The following SV2B variants were observed in gnomAD, a reference collection of about 807,000 sequenced individuals.
The protein encoded by SV2B is synaptic vesicle glycoprotein 2B, also known as solute carrier family 22 member B2.
Under a neutral mutation model 73.9 loss-of-function variants are expected in SV2B, and 41 were observed. The ratio of observed to expected loss-of-function variants is 0.56; its 90% confidence interval spans 0.43 to 0.72. SV2B has a LOEUF of 0.72. Ranked by LOEUF, SV2B falls within the 30% of genes least tolerant of loss-of-function variation. SV2B has a pLI of 0.00. For missense variants in SV2B, 764 were observed against 857.8 expected, an observed-to-expected ratio of 0.89 and a Z score of 1.37; for synonymous variants, 314 against 314.2, an observed-to-expected ratio of 1.00 and a Z score of 0.01.
At chr15:91,211,143 AAG>A (rs2045843292) in intron 1 of SV2B, among the ~76,000 whole-genome samples, 1 of 152,250 alleles carries the variant, frequency 6.6e-6, no homozygotes, top group Non-Finnish European at 1.5e-5. Context: ...CGAAGCCGCT[AAG>A]AGAGTTTAGG....
chr15:91,143,625 G>T (rs555150081), intron 1 of SV2B, among the ~76,000 whole-genome samples: 28 of 151,204 alleles, frequency 1.9e-4, no homozygotes, highest in African/African-American at 6.5e-4. Flanking sequence ...CCCAGAAAAC[G>T]CAGCATTCTT....
intron 1 of SV2B, among the ~76,000 whole-genome samples, chr15:91,198,100 C>T (rs947300998): frequency 4.6e-5 from 7 of 152,088 alleles, no homozygotes; most frequent in Non-Finnish European, 8.8e-5. Context: ...GAAAATATAA[C>T]TGGTGAATCT....
In SV2B at chr15:91,299,680, T is replaced by A. The variant is rs1295277011; in HGVS notation, c.*7128T>A. 6.6e-6 allele frequency: 1 copy of A among 152,250 alleles called. No homozygotes were observed. The highest frequency in any genetic ancestry group is 1.5e-5 in the Non-Finnish European group (1 of 68,044). The allele number at this position is 152,250 out of a possible 1,614,324, so 9.4% of individuals were successfully genotyped here. On this transcript the variant is annotated 3_prime_UTR_variant, in exon 13 of 13. Coordinates refer to ENST00000394232, the MANE Select transcript of SV2B (RefSeq NM_001323032.3). ...ATTTTTTTGAGACAGAGTCTCACTC[T>A]GTCATCTAGGCTGGAGTGCAGTGGT...
chr15:91,161,998 AG>A (rs2043736582), intron 1 of SV2B, among the ~76,000 whole-genome samples: 1 of 152,256 alleles, frequency 6.6e-6, no homozygotes, highest in African/African-American at 2.4e-5. Context: ...TGACAATACA[AG>A]TGAACAGTAA....
At chr15:91,244,219 G>T (rs1242495303) in intron 2 of SV2B, among the ~76,000 whole-genome samples, 4 of 152,328 alleles carry the variant, frequency 2.6e-5, no homozygotes, top group Admixed American at 6.5e-5. Context: ...ATGACAAATT[G>T]AAATTATTAT....
intron 6 of SV2B, 87 bp from the exon 7 acceptor site, chr15:91,266,495 A>C (rs778176315): frequency 9.6e-7 from 1 of 1,037,684 alleles, no homozygotes; most frequent in African/African-American, 1.6e-5. Context: ...GTCCTAAATC[A>C]GTTTAAATAG....
chr15:91,148,359 A>T (rs1032064592), intron 1 of SV2B, among the ~76,000 whole-genome samples: 1 of 152,114 alleles, frequency 6.6e-6, no homozygotes, highest in Non-Finnish European at 1.5e-5. Flanking sequence ...ATCTTTGACC[A>T]AGATTGGGTC....
chr15:91,206,224 C>G lies in SV2B; in HGVS notation c.-391-19649C>G, dbSNP rs77744895. Among the ~76,000 whole-genome samples, 7 of 60,858 alleles carry G rather than the reference C, an allele frequency of 1.2e-4. No individual in the cohort carries two copies. The East Asian group carries it at 3.4e-3, about 29-fold the overall frequency. The allele number at this position is 60,858 out of a possible 152,430, so 39.9% of individuals were successfully genotyped here. On this transcript the variant is annotated intron_variant, in intron 1 of 12. Transcript: ENST00000394232. ...GGCTTTTTTTTTTTTTTTTTTTTTT[C>G]AGATACAGGTTCTCTTTGTGTAGCC...
intron 1 of SV2B, among the ~76,000 whole-genome samples, chr15:91,171,876 C>T (rs139313788): frequency 4.6e-5 from 7 of 152,296 alleles, no homozygotes; most frequent in African/African-American, 1.7e-4. Context: ...CTGAAGACAA[C>T]ATCTCCCACC....
chr15:91,148,480 G>A (rs1353182335), intron 1 of SV2B, among the ~76,000 whole-genome samples: 1 of 152,074 alleles, frequency 6.6e-6, no homozygotes, highest in African/African-American at 2.4e-5. Flanking sequence ...TCTTAGTCTG[G>A]GTTCCCCCAG....
chr15:91,301,644 A>G lies in SV2B; in HGVS notation c.*9092A>G, dbSNP rs1390540726. On this transcript the variant is annotated 3_prime_UTR_variant, in exon 13 of 13. Transcript: ENST00000394232. This position sits in a 1 kb window ranked among gnomAD's most constrained non-coding sequence, Gnocchi z 4.3. ...CCTTTAGAAGTGGGGAAACTGGAACACAGGAAAGTCACTTGTCAAAGGCCA... is the reference window on the plus strand; with the variant it reads ...CCTTTAGAAGTGGGGAAACTGGAACGCAGGAAAGTCACTTGTCAAAGGCCA... 6.6e-6 allele frequency among the ~76,000 whole-genome samples: 1 copy of G among 152,246 alleles called. No individual in the cohort carries two copies. The highest frequency in any genetic ancestry group is 2.4e-5 in the African/African-American group (1 of 41,468).
rs1173626949 is a variant in SV2B at position 91,165,045 on chromosome 15, A to T, written c.-391-60828A>T. On this transcript the variant is annotated intron_variant, in intron 1 of 12. Coordinates refer to ENST00000394232, the MANE Select transcript of SV2B (RefSeq NM_001323032.3). ...GATTCAAGCAACTGTGGATCAAAAA[A>T]TTTTTTTTAGGCTGGACATGGTGGC... 2.0e-5 allele frequency among the ~76,000 whole-genome samples: 3 copies of T among 152,180 alleles called. No homozygotes were observed. In the East Asian group the frequency reaches 5.8e-4, roughly 29 times the overall value.
chr15:91,143,822 C>A (rs1028986224), intron 1 of SV2B, among the ~76,000 whole-genome samples: 11 of 152,156 alleles, frequency 7.2e-5, no homozygotes, highest in African/African-American at 2.7e-4. Context: ...TTGCTTCAGC[C>A]TCGAAGAGCA....
chr15:91,107,315 T>TTATTTATTTATTTATG (rs2041911646), intron 1 of SV2B, among the ~76,000 whole-genome samples: 1 of 151,780 alleles, frequency 6.6e-6, no homozygotes, highest in Non-Finnish European at 1.5e-5. Flanking sequence ...ATTTATTTAT[T>TTATTTATTTATTTATG]TATTTATTTA....
At chr15:91,171,616 C>T (rs1310586882) in intron 1 of SV2B, among the ~76,000 whole-genome samples, 2 of 152,178 alleles carry the variant, frequency 1.3e-5, no homozygotes, top group Non-Finnish European at 2.9e-5. Flanking sequence ...ACCGTGCCTA[C>T]AGTCATAAAA....
chr15:91,190,174 G>A (rs1468738023), intron 1 of SV2B, among the ~76,000 whole-genome samples: 6 of 152,014 alleles, frequency 3.9e-5, no homozygotes, highest in African/African-American at 1.5e-4. Context: ...CAACGTGCAG[G>A]TTTGTTACAT....
In SV2B at chr15:91,252,418, T is replaced by A; in HGVS notation, c.682T>A (p.Ser228Thr). The change falls in exon 4 of 13, where the codon TCT becomes ACT. Residue 228 changes from serine to threonine, a missense_variant. Ser to Thr is a moderately conservative substitution (Grantham distance 58). Transcript: ENST00000394232. This position sits in a 1 kb window ranked among gnomAD's most constrained non-coding sequence, Gnocchi z 4.6. ...IVFAYFSEFL[S>T]REKRGEHLSW... ...TTTTGCCTATTTTTCTGAATTCTTG[T>A]CTCGGGAGAAGCGAGGAGAACACCT... 6.2e-7 allele frequency: 1 copy of A among 1,613,726 alleles called. No homozygotes were observed. The highest frequency in any genetic ancestry group is 1.7e-4 in the Middle Eastern group (1 of 6,060).
intron 1 of SV2B, among the ~76,000 whole-genome samples, chr15:91,135,591 G>A (rs143381235): frequency 5.1e-4 from 78 of 152,304 alleles, no homozygotes; most frequent in Non-Finnish European, 1.0e-3. Flanking sequence ...GGGGCTGAAT[G>A]TAAAACAGCG....
Position 91,121,726 on chromosome 15 carries a change from C to G in SV2B, c.-392+21363C>G, listed in dbSNP as rs2042341068. Among the ~76,000 whole-genome samples the G allele has an allele frequency of 6.6e-6, 1 of 151,314 alleles. No individual in the cohort carries two copies. Among genetic ancestry groups the G allele is most frequent in the South Asian group, 2.1e-4 (1 of 4,810 alleles). ...GGGAATTAATTCCTTTACACCACTC[C>G]TTTCCCCTTCGCGCTCACCTCAAGA... On this transcript the variant is annotated intron_variant, in intron 1 of 12. Coordinates refer to ENST00000394232, the MANE Select transcript of SV2B (RefSeq NM_001323032.3). The surrounding 1 kb of genome is among the most constrained non-coding windows in gnomAD (Gnocchi z 4.4).
Sources: gnomAD v4.1 joint callset for allele counts (sites outside exome capture counted in the v4.1 genomes callset) on GRCh38, gnomAD v4.1.1 for gene constraint, Gnocchi (gnomAD v3.1) non-coding constraint, MANE v1.5 for transcripts, NCBI Gene and HGNC (gene_info 2026-07-23, HGNC 2026-07-21) for gene names.